The following ABRACL variants were observed in gnomAD, a reference collection of about 807,000 sequenced individuals.
ABRACL encodes the protein costars family protein ABRACL.
In ABRACL, 4 loss-of-function variants were observed where a neutral mutation model predicts 7.0. The ratio of observed to expected loss-of-function variants is 0.57; its 90% confidence interval spans 0.28 to 1.30. The LOEUF (loss-of-function observed/expected upper bound fraction) is 1.30, where lower values mean the gene tolerates loss of function less well. Ranked by LOEUF, ABRACL falls within the 50% of genes most tolerant of loss-of-function variation. The pLI, the probability that ABRACL is intolerant of heterozygous loss-of-function variation, is 0.10. For missense variants in ABRACL, 104 were observed against 97.3 expected (o/e 1.07, Z -0.29); for synonymous variants, 30 against 36.0 (o/e 0.83, Z 0.60).
At chr6:139,032,834 G>A (rs1041378666) in intron 1 of ABRACL, among the ~76,000 whole-genome samples, 5 of 152,290 alleles carry the variant, frequency 3.3e-5, no homozygotes, top group South Asian at 2.1e-4. Flanking sequence ...ATGCCTTTGC[G>A]TGTTCTTTTC....
chr6:139,038,009 T>C (rs1009520352), intron 2 of ABRACL, among the ~76,000 whole-genome samples: 1 of 152,162 alleles, frequency 6.6e-6, no homozygotes, highest in Non-Finnish European at 1.5e-5. Flanking sequence ...ACTCCTGGCC[T>C]CATGTGATCC....
chr6:139,029,702 G>T (rs1414786689), intron 1 of ABRACL, among the ~76,000 whole-genome samples: 1 of 152,124 alleles, frequency 6.6e-6, no homozygotes, highest in African/African-American at 2.4e-5. Context: ...GCGCGCCCCA[G>T]ACCGGAGGGA....
intron 2 of ABRACL, among the ~76,000 whole-genome samples, chr6:139,034,769 T>C (rs991159313): frequency 6.6e-6 from 1 of 152,196 alleles, no homozygotes; most frequent in African/African-American, 2.4e-5. Context: ...ATCCTTTAGG[T>C]AGTGTTTAAG....
intron 1 of ABRACL, among the ~76,000 whole-genome samples, chr6:139,032,716 T>C (rs1786100979): frequency 6.6e-6 from 1 of 152,220 alleles, no homozygotes; most frequent in South Asian, 2.1e-4. Context: ...TTTTGGTCTC[T>C]TATATGATTT....
intron 1 of ABRACL, among the ~76,000 whole-genome samples, chr6:139,032,704 CT>C (rs796461840): frequency 2.6e-5 from 4 of 152,214 alleles, no homozygotes; most frequent in African/African-American, 9.6e-5. Flanking sequence ...ACAACTCCCC[CT>C]TTTTGGTCTC....
intron 2 of ABRACL, among the ~76,000 whole-genome samples, chr6:139,036,680 T>C (rs1786161309): frequency 6.6e-6 from 1 of 152,124 alleles, no homozygotes; most frequent in Non-Finnish European, 1.5e-5. Context: ...ACTTAGTTGA[T>C]GAAAACAGAT....
At chr6:139,041,034 G>A (rs1162953867) in intron 2 of ABRACL, among the ~76,000 whole-genome samples, 2 of 152,160 alleles carry the variant, frequency 1.3e-5, no homozygotes, top group African/African-American at 2.4e-5. Context: ...TAAACAAGTT[G>A]CCCAAGGCCA....
intron 1 of ABRACL, among the ~76,000 whole-genome samples, chr6:139,030,847 A>T (rs894072460): frequency 1.3e-5 from 2 of 152,228 alleles, no homozygotes; most frequent in Non-Finnish European, 2.9e-5. Context: ...AGGTAAATAA[A>T]TGCCTTGCAA....
intron 1 of ABRACL, among the ~76,000 whole-genome samples, chr6:139,033,612 G>A (rs1786112549): frequency 6.6e-6 from 1 of 151,924 alleles, no homozygotes; most frequent in African/African-American, 2.4e-5. Context: ...TGTGTAGAGT[G>A]CCCTACCCCA....
chr6:139,034,476 C>A, intron 2 of ABRACL: 1 of 1,406,074 alleles, frequency 7.1e-7, no homozygotes, highest in Non-Finnish European at 9.4e-7. Context: ...AAGCAAATTA[C>A]CAAGCTTCTT....
chr6:139,034,064 G>A (rs1306316920), intron 1 of ABRACL, 91 bp from the exon 2 acceptor site: 27 of 1,509,118 alleles, frequency 1.8e-5, no homozygotes, highest in East Asian at 6.8e-5. Flanking sequence ...AGTGACAGAC[G>A]CGACCTGAAC....
At chr6:139,030,992 A>T (rs1351864785) in intron 1 of ABRACL, among the ~76,000 whole-genome samples, 6 of 152,292 alleles carry the variant, frequency 3.9e-5, no homozygotes, top group African/African-American at 1.4e-4. Context: ...TATGCGTACT[A>T]TATATAATAG....
intron 2 of ABRACL, among the ~76,000 whole-genome samples, chr6:139,039,763 T>C (rs1036645540): frequency 6.6e-6 from 1 of 152,050 alleles, no homozygotes; most frequent in African/African-American, 2.4e-5. Flanking sequence ...ATGAAGAGCC[T>C]CTTCTGTGAG....
chr6:139,042,029 G>A (rs565406268), intron 2 of ABRACL, among the ~76,000 whole-genome samples: 9 of 152,330 alleles, frequency 5.9e-5, no homozygotes, highest in South Asian at 2.1e-4. Context: ...GAAGAGGTCA[G>A]GGATTCAGTC....
At position 139,043,008 on chromosome 6, in the gene ABRACL, C is replaced by A; in HGVS notation, c.*105C>A. ...ACATACTTAATGTATTTTTATAGAACTTTGTAAACGAAAGGAGATTCATGT... is the reference window on the plus strand; with the variant it reads ...ACATACTTAATGTATTTTTATAGAAATTTGTAAACGAAAGGAGATTCATGT... On this transcript the variant is annotated 3_prime_UTR_variant, in exon 3 of 3. Transcript: ENST00000367660. The A allele has an allele frequency of 2.0e-6, 2 of 986,838 alleles. No homozygotes were observed. The highest frequency in any genetic ancestry group is 2.8e-6 in the Non-Finnish European group (2 of 709,916). 61.1% of individuals were successfully genotyped at this position (986,838 alleles called of 1,614,324 possible).
At chr6:139,036,278 A>C (rs746890738) in intron 2 of ABRACL, among the ~76,000 whole-genome samples, 1 of 151,918 alleles carries the variant, frequency 6.6e-6, no homozygotes, top group Non-Finnish European at 1.5e-5. Flanking sequence ...TTTGGATTAC[A>C]CTGGGCTCAC....
intron 1 of ABRACL, among the ~76,000 whole-genome samples, chr6:139,029,528 G>A (rs918068594): frequency 6.6e-6 from 1 of 152,090 alleles, no homozygotes; most frequent in Non-Finnish European, 1.5e-5. Context: ...CCCTTCCCGG[G>A]CGCCAGCGGT....
chr6:139,035,082 A>G (rs993858439), intron 2 of ABRACL, among the ~76,000 whole-genome samples: 5 of 152,228 alleles, frequency 3.3e-5, no homozygotes, highest in African/African-American at 9.6e-5. Context: ...GATTTGTGTC[A>G]TTATAGTTTG....
At chr6:139,040,728 T>C (rs963472790) in intron 2 of ABRACL, among the ~76,000 whole-genome samples, 6 of 152,186 alleles carry the variant, frequency 3.9e-5, no homozygotes, top group Admixed American at 1.3e-4. Context: ...ATGGTCAGAT[T>C]CCCTGTTTTC....
Sources: gnomAD v4.1 joint callset for allele counts (sites outside exome capture counted in the v4.1 genomes callset) on GRCh38, gnomAD v4.1.1 for gene constraint, MANE v1.5 for transcripts, NCBI Gene and HGNC (gene_info 2026-07-23, HGNC 2026-07-21) for gene names.